Variants in POMK observed in about 807,000 individuals in gnomAD.
The protein encoded by POMK is protein O-mannose kinase, also known as Sugen kinase 196.
In POMK, 19 loss-of-function variants were observed where a neutral mutation model predicts 23.0. That is an observed-to-expected ratio of 0.83 (90% CI 0.58 to 1.21). The LOEUF is 1.21. POMK is among the 50% of genes most tolerant of loss of function. POMK has a pLI of 0.00. For synonymous variants in POMK, 173 were observed against 171.6 expected (o/e 1.01, Z -0.06); for missense variants, 410 against 431.3 (o/e 0.95, Z 0.44).
chr8:43,095,145 G>T (rs915718464), intron 1 of POMK, among the ~76,000 whole-genome samples: 1 of 152,196 alleles, frequency 6.6e-6, no homozygotes, highest in African/African-American at 2.4e-5. Flanking sequence ...TTCAACTCCC[G>T]AGCATTGCGG....
At chr8:43,117,630 A>C (rs906106331) in intron 4 of POMK, among the ~76,000 whole-genome samples, 1 of 152,270 alleles carries the variant, frequency 6.6e-6, no homozygotes. Flanking sequence ...GATAAAGGAC[A>C]GTGAACAGAC....
At chr8:43,095,636 G>C (rs564687011) in intron 1 of POMK, among the ~76,000 whole-genome samples, 1 of 152,304 alleles carries the variant, frequency 6.6e-6, no homozygotes, top group African/African-American at 2.4e-5. Context: ...ATGACAAGCA[G>C]ATCTGGGTTT....
intron 4 of POMK, among the ~76,000 whole-genome samples, chr8:43,120,692 T>C (rs957016544): frequency 1.3e-5 from 2 of 151,854 alleles, no homozygotes; most frequent in African/African-American, 2.4e-5. Context: ...TTTTTTTTTT[T>C]TTGAGACAGA....
At chr8:43,093,832 C>T (rs535614549) in intron 1 of POMK, among the ~76,000 whole-genome samples, 1 of 152,272 alleles carries the variant, frequency 6.6e-6, no homozygotes, top group Non-Finnish European at 1.5e-5. Flanking sequence ...AGCCTGTAAT[C>T]CCAGCGCTTT....
Position 43,122,997 on chromosome 8 carries a change from C to A in POMK, c.*120C>A. The stretch of plus-strand genomic sequence containing the variant: ...TTTATTGTTTTTTTTATGGCTTAGC[C>A]ATGTGGTTCGTTGTCCACATCCACA... On this transcript the variant is annotated 3_prime_UTR_variant, in exon 5 of 5. Transcript: ENST00000331373. The A allele has an allele frequency of 1.1e-6, 1 of 878,538 alleles. No individual in the cohort carries two copies. The highest frequency in any genetic ancestry group is 1.7e-6 in the Non-Finnish European group (1 of 578,238). The allele number at this position is 878,538 out of a possible 1,614,324, so 54.4% of individuals were successfully genotyped here.
chr8:43,106,555 G>T (rs1811548369), intron 4 of POMK, among the ~76,000 whole-genome samples: 1 of 147,680 alleles, frequency 6.8e-6, no homozygotes. Flanking sequence ...TATCGCCCAG[G>T]CTGGAGTGCT....
chr8:43,110,999 C>T (rs1040189453), intron 4 of POMK, among the ~76,000 whole-genome samples: 4 of 152,052 alleles, frequency 2.6e-5, no homozygotes, highest in Admixed American at 6.5e-5. Flanking sequence ...GTGTGAGCGA[C>T]GCAGAAGACG....
At chr8:43,114,081 A>T (rs1037963492) in intron 4 of POMK, among the ~76,000 whole-genome samples, 1 of 152,238 alleles carries the variant, frequency 6.6e-6, no homozygotes, top group Admixed American at 6.5e-5. Flanking sequence ...CACTTGAGGC[A>T]GTCTGCCTGT....
At chr8:43,111,917 A>G (rs557506411) in intron 4 of POMK, among the ~76,000 whole-genome samples, 2 of 152,244 alleles carry the variant, frequency 1.3e-5, no homozygotes, top group Non-Finnish European at 2.9e-5. Context: ...ACCCATCTGT[A>G]CGTCACCATC....
chr8:43,110,129 A>G (rs1013961743), intron 4 of POMK, among the ~76,000 whole-genome samples: 1 of 152,230 alleles, frequency 6.6e-6, no homozygotes, highest in African/African-American at 2.4e-5. Flanking sequence ...CCACATTCCC[A>G]TGCCTTCTCA....
chr8:43,095,063 C>G (rs955041290), intron 1 of POMK, among the ~76,000 whole-genome samples: 3 of 152,168 alleles, frequency 2.0e-5, no homozygotes, highest in Non-Finnish European at 4.4e-5. Flanking sequence ...GGGCTGAAGT[C>G]TTCTTTAAGA....
intron 1 of POMK, among the ~76,000 whole-genome samples, chr8:43,093,804 G>C (rs1276388722): frequency 1.3e-5 from 2 of 152,248 alleles, no homozygotes; most frequent in Non-Finnish European, 2.9e-5. Flanking sequence ...CCAGAGAAGG[G>C]CCCGGCGAGG....
Position 43,122,345 on chromosome 8 carries a change from C to T in POMK, c.521C>T (p.Thr174Met), listed in dbSNP as rs186128710. The T allele has an allele frequency of 7.4e-6, 12 of 1,614,080 alleles. No individual in the cohort carries two copies. The highest frequency in any genetic ancestry group is 6.7e-5 in the East Asian group (3 of 44,896). The change falls in exon 5 of 5, where the codon ACG (threonine) becomes ATG (methionine). Residue 174 changes from threonine to methionine, a missense_variant. By Grantham distance (81) the Thr-to-Met change is moderately conservative. Transcript: ENST00000331373. Reference sequence around the variant, plus strand: ...CTTTCAAAGTACCAAAATGTGAACACGTGGCAGCACAGGCTGGAGCTGGCC... The same window carrying T: ...CTTTCAAAGTACCAAAATGTGAACATGTGGCAGCACAGGCTGGAGCTGGCC... Reference protein sequence around the residue: ...LNLSKYQNVNTWQHRLELAMD... With the variant: ...LNLSKYQNVNMWQHRLELAMD...
At chr8:43,118,810 TTTG>T (rs201147165) in intron 4 of POMK, among the ~76,000 whole-genome samples, 2,433 of 152,258 alleles carry the variant, frequency 0.016, 33 homozygotes, top group East Asian at 0.024. Context: ...TACTGTTTTT[TTTG>T]TTGTTGTTGT....
chr8:43,122,545 C>G lies in POMK; in HGVS notation c.721C>G (p.Leu241Val), dbSNP rs771065242. The G allele has an allele frequency of 3.7e-6, 6 of 1,614,068 alleles. No homozygotes were observed. The African/African-American group carries it at 8.0e-5, about 22-fold the overall frequency. ...LPLVNHSSGM[L>V]VKCGHRELHG... ...CCTGGTGAACCACAGCTCCGGGATGCTGGTGAAGTGCGGCCACAGGGAGCT... is the reference window on the plus strand; with the variant it reads ...CCTGGTGAACCACAGCTCCGGGATGGTGGTGAAGTGCGGCCACAGGGAGCT... Residue 241 changes from leucine to valine, a missense_variant, in exon 5 of 5, where the codon CTG becomes GTG. Coordinates refer to ENST00000331373, the MANE Select transcript of POMK (RefSeq NM_032237.5).
At chr8:43,108,825 G>C (rs1021791524) in intron 4 of POMK, among the ~76,000 whole-genome samples, 11 of 152,290 alleles carry the variant, frequency 7.2e-5, no homozygotes, top group Non-Finnish European at 1.5e-4. Context: ...GATGAGAAAA[G>C]CATTTTAGGG....
chr8:43,103,832 T>G lies in POMK; in HGVS notation c.282+2T>G, dbSNP rs2130601701. The G allele has an allele frequency of 1.2e-6, 2 of 1,613,856 alleles. No homozygotes were observed. Among genetic ancestry groups the G allele is most frequent in the Non-Finnish European group, 1.7e-6 (2 of 1,179,816 alleles). On this transcript the variant is annotated splice_donor_variant, in intron 4 of 4. Coordinates refer to ENST00000331373, the MANE Select transcript of POMK (RefSeq NM_032237.5). LOFTEE classifies it high-confidence loss of function. ...GTTGGGGAAGGAGCTGTAAAGAGAG[T>G]GAGTCCGGGTTCATTTGCGATTGCT...
At position 43,107,444 on chromosome 8, in the gene POMK, A is replaced by G. The variant is rs1586673387; in HGVS notation, c.282+3614A>G. Among the ~76,000 whole-genome samples the G allele has an allele frequency of 2.0e-5, 3 of 151,046 alleles. No individual in the cohort carries two copies. In the South Asian group the frequency reaches 6.3e-4, roughly 32 times the overall value. On this transcript the variant is annotated intron_variant, in intron 4 of 4. Transcript: ENST00000331373. ...GGCTGGAGTGCAGTGGCGTGATCTC[A>G]GCTCACTGCAACCTCCGCCTCCCGG...
At chr8:43,093,768 C>T (rs1349683580) in intron 1 of POMK, among the ~76,000 whole-genome samples, 1 of 152,250 alleles carries the variant, frequency 6.6e-6, no homozygotes, top group Non-Finnish European at 1.5e-5. Flanking sequence ...GCGTCCACCC[C>T]TGCGCGGTAG....
Sources: allele counts gnomAD v4.1 joint callset (sites outside exome capture counted in the v4.1 genomes callset), GRCh38; gene constraint gnomAD v4.1.1; transcripts MANE v1.5; gene names NCBI Gene and HGNC (gene_info 2026-07-23, HGNC 2026-07-21).